The following FRMD4B variants were observed in gnomAD, a reference collection of about 807,000 sequenced individuals.
The protein encoded by FRMD4B is FERM domain containing 4B.
FRMD4B carries 74 observed loss-of-function variants against 141.5 expected under a neutral mutation model. The ratio of observed to expected loss-of-function variants is 0.52; its 90% confidence interval spans 0.43 to 0.63. The LOEUF (loss-of-function observed/expected upper bound fraction) is 0.63, where lower values mean the gene tolerates loss of function less well. Ranked by LOEUF, FRMD4B falls within the 30% of genes least tolerant of loss-of-function variation. The pLI, the probability that FRMD4B is intolerant of heterozygous loss-of-function variation, is 0.00. For missense variants in FRMD4B, 1,366 were observed against 1,253.4 expected (o/e 1.09, Z -1.36); for synonymous variants, 506 against 467.9 (o/e 1.08, Z -1.05).
At chr3:69,515,941 T>G (rs1186044009) in intron 1 of FRMD4B, among the ~76,000 whole-genome samples, 2 of 151,496 alleles carry the variant, frequency 1.3e-5, no homozygotes, top group African/African-American at 4.9e-5. Flanking sequence ...TCCCAAAAGA[T>G]AGCCATGTCT....
intron 1 of FRMD4B, among the ~76,000 whole-genome samples, chr3:69,320,404 G>C (rs1002164354): frequency 3.3e-5 from 5 of 151,874 alleles, no homozygotes; most frequent in Non-Finnish European, 7.4e-5. Flanking sequence ...ACCCACCTGG[G>C]CGACATAGTG....
At chr3:69,496,799 A>G (rs1260144708) in intron 1 of FRMD4B, among the ~76,000 whole-genome samples, 1 of 152,006 alleles carries the variant, frequency 6.6e-6, no homozygotes, top group Non-Finnish European at 1.5e-5. Flanking sequence ...GCTATGGGCT[A>G]TTTGTCACTT....
At chr3:69,456,082 A>G (rs1258254055) in intron 1 of FRMD4B, among the ~76,000 whole-genome samples, 1 of 152,234 alleles carries the variant, frequency 6.6e-6, no homozygotes. Flanking sequence ...ATCTCTAAAG[A>G]ACTTGTGAGC....
At chr3:69,481,833 C>G (rs1706129774) in intron 1 of FRMD4B, among the ~76,000 whole-genome samples, 1 of 152,154 alleles carries the variant, frequency 6.6e-6, no homozygotes. Context: ...GATAAACTAG[C>G]AGTCAGCAGA....
At chr3:69,385,631 C>T (rs1189953186) in intron 1 of FRMD4B, among the ~76,000 whole-genome samples, 197 bp downstream of exon 1, 2 of 152,194 alleles carry the variant, frequency 1.3e-5, no homozygotes, top group South Asian at 4.1e-4. Context: ...AAGTGCCCCC[C>T]ATGCCCGATT....
chr3:69,539,482 C>G (rs1218693149), intron 1 of FRMD4B, among the ~76,000 whole-genome samples: 3 of 152,106 alleles, frequency 2.0e-5, no homozygotes, highest in Non-Finnish European at 4.4e-5. Flanking sequence ...TTTTCTGCCA[C>G]TAAGATAGAA....
chr3:69,222,467 CAAA>C (rs11293743), intron 8 of FRMD4B, among the ~76,000 whole-genome samples: 2 of 94,998 alleles, frequency 2.1e-5, no homozygotes, highest in African/African-American at 4.3e-5. Context: ...AAATCCATCT[CAAA>C]AAAAAAAAAA....
Position 69,216,384 on chromosome 3 carries a change from G to A in FRMD4B, c.790-35C>T, listed in dbSNP as rs952400744. The stretch of plus-strand genomic sequence containing the variant: ...GAAAAAGCATGAGAACCAAGACCTA[G>A]CTGTTAACTCTTCTAGAAGTGAATA... On this transcript the variant is annotated intron_variant, in intron 10 of 22. Transcript: ENST00000398540. 3 of 995,932 alleles carry A rather than the reference G, an allele frequency of 3.0e-6. No individual in the cohort carries two copies. In the African/African-American group the frequency reaches 4.8e-5, roughly 16 times the overall value. The allele number at this position is 995,932 out of a possible 1,614,324, so 61.7% of individuals were successfully genotyped here. A position where few individuals can be genotyped will look rare whatever the true frequency, so the allele number is the denominator to read the frequency against.
chr3:69,528,266 C>T (rs527350933), intron 1 of FRMD4B, among the ~76,000 whole-genome samples: 4 of 151,322 alleles, frequency 2.6e-5, no homozygotes, highest in South Asian at 4.2e-4. Flanking sequence ...CCCTTCCTTC[C>T]TTCCTACCTT....
intron 21 of FRMD4B, among the ~76,000 whole-genome samples, chr3:69,178,556 T>C (rs1429164076): frequency 4.0e-5 from 6 of 151,816 alleles, no homozygotes; most frequent in Non-Finnish European, 8.8e-5. Context: ...CTTGTAGTCC[T>C]AGCTACTTGG....
At chr3:69,367,815 C>T (rs897505088) in intron 1 of FRMD4B, among the ~76,000 whole-genome samples, 2 of 152,132 alleles carry the variant, frequency 1.3e-5, no homozygotes, top group African/African-American at 4.8e-5. Flanking sequence ...AGGAGGATTT[C>T]CTGAAATGGA....
At chr3:69,323,608 GTATATA>G (rs55847019) in intron 1 of FRMD4B, among the ~76,000 whole-genome samples, 1,268 of 101,526 alleles carry the variant, frequency 0.012, 10 homozygotes, top group African/African-American at 0.025. Flanking sequence ...CTCTCTCTGT[GTATATA>G]TATATATATA....
At chr3:69,467,350 A>AT in intron 1 of FRMD4B, among the ~76,000 whole-genome samples, 1 of 152,354 alleles carries the variant, frequency 6.6e-6, no homozygotes, top group South Asian at 2.1e-4. Flanking sequence ...ACCCAAATCC[A>AT]TCTGCCTCTT....
intron 7 of FRMD4B, among the ~76,000 whole-genome samples, chr3:69,239,480 G>C (rs1049725898): frequency 1.3e-5 from 2 of 152,156 alleles, no homozygotes; most frequent in African/African-American, 4.8e-5. Flanking sequence ...ACGTCAGCCA[G>C]CTCCCTGAGG....
chr3:69,400,525 T>C (rs1234519901), intron 2 of FRMD4B, among the ~76,000 whole-genome samples: 1 of 152,132 alleles, frequency 6.6e-6, no homozygotes, highest in Non-Finnish European at 1.5e-5. Context: ...TGGTACTGGG[T>C]TAAAACTAAC....
chr3:69,502,106 C>T (rs1706508444), intron 1 of FRMD4B, among the ~76,000 whole-genome samples: 2 of 152,176 alleles, frequency 1.3e-5, no homozygotes, highest in African/African-American at 4.8e-5. Context: ...GCCATACTGC[C>T]CAAGGTAATT....
At chr3:69,485,141 C>T (rs1257400493) in intron 1 of FRMD4B, among the ~76,000 whole-genome samples, 1 of 152,180 alleles carries the variant, frequency 6.6e-6, no homozygotes, top group East Asian at 1.9e-4. Flanking sequence ...CCTGAGGGGC[C>T]AGAGCAGCAG....
At chr3:69,339,812 A>T (rs979409005) in intron 1 of FRMD4B, among the ~76,000 whole-genome samples, 4 of 152,152 alleles carry the variant, frequency 2.6e-5, no homozygotes, top group Non-Finnish European at 5.9e-5. Context: ...CCAGCTCAGG[A>T]GAACACCCCT....
chr3:69,492,701 A>T (rs1706318913), intron 1 of FRMD4B, among the ~76,000 whole-genome samples: 2 of 152,216 alleles, frequency 1.3e-5, no homozygotes, highest in South Asian at 4.1e-4. Flanking sequence ...TGAAGGCACA[A>T]CTATAATTAC....
Sources: gnomAD v4.1 joint callset for allele counts (sites outside exome capture counted in the v4.1 genomes callset) on GRCh38, gnomAD v4.1.1 for gene constraint, MANE v1.5 for transcripts, NCBI Gene and HGNC (gene_info 2026-07-23, HGNC 2026-07-21) for gene names.